BPI: variants seen among roughly 807,000 people sequenced by gnomAD.
BPI encodes the protein bactericidal permeability increasing protein, also known as bactericidal permeability-increasing protein.
Under a neutral mutation model 57.6 loss-of-function variants are expected in BPI, and 48 were observed. The observed-to-expected ratio is 0.83, with a 90% confidence interval of 0.66 to 1.06. BPI has a LOEUF of 1.06. Among genes scored for constraint, BPI ranks in the 50% least tolerant of loss-of-function variants. BPI has a pLI of 0.00. For synonymous variants in BPI, 237 were observed against 238.2 expected (o/e 0.99, Z 0.05); for missense variants, 651 against 609.7 (o/e 1.07, Z -0.71).
chr20:38,311,544 G>C (rs4811691), intron 4 of BPI, among the ~76,000 whole-genome samples: 139,748 of 152,132 alleles, frequency 0.92, 64,791 homozygotes, highest in South Asian at 0.98. Flanking sequence ...GCAGAGGGAA[G>C]AGCATGTGCA....
intron 1 of BPI, 61 bp from the exon 2 acceptor site, chr20:38,307,506 G>A (rs1159738297): frequency 7.1e-6 from 9 of 1,262,896 alleles, no homozygotes; most frequent in Non-Finnish European, 9.9e-6. Context: ...AGCCTGCCCT[G>A]CCCCTCTGTC....
intron 14 of BPI, 62 bp from the exon 15 acceptor site, chr20:38,337,084 C>A: frequency 6.5e-7 from 1 of 1,541,004 alleles, no homozygotes; most frequent in Non-Finnish European, 8.9e-7. Flanking sequence ...ACTCCAGTAG[C>A]TCCACACTCA....
At chr20:38,324,115 A>G in intron 8 of BPI, 69 bp downstream of exon 8, 1 of 1,527,076 alleles carries the variant, frequency 6.5e-7, no homozygotes, top group South Asian at 1.2e-5. Context: ...TTCCAGACAA[A>G]TCTGGAAAAA....
chr20:38,306,141 C>G (rs997221836), intron 1 of BPI, among the ~76,000 whole-genome samples: 1 of 152,204 alleles, frequency 6.6e-6, no homozygotes. Context: ...AAGTGATTCT[C>G]CTGCCTCAAC....
At chr20:38,327,679 A>G in intron 11 of BPI, 24 bp downstream of exon 11, 1 of 1,611,724 alleles carries the variant, frequency 6.2e-7, no homozygotes, top group South Asian at 1.1e-5. Context: ...TGAGAGGAGG[A>G]GGGGGCTGCC....
In BPI at chr20:38,318,483, G is replaced by A; in HGVS notation, c.664+7G>A. On this transcript the variant is annotated splice_region_variant and intron_variant, in intron 6 of 14. Coordinates refer to ENST00000642449, the MANE Select transcript of BPI (RefSeq NM_001725.3). ...TATTTCCAGACTCTGCCAGGTGAGG[G>A]CTGGATGAAGATCAAGGATAGAAAG... 1.2e-6 allele frequency: 2 copies of A among 1,611,180 alleles called. No individual in the cohort carries two copies. The highest frequency in any genetic ancestry group is 4.5e-5 in the East Asian group (2 of 44,886).
Position 38,337,276 on chromosome 20 carries a change from T to A in BPI, c.*92T>A. The stretch of plus-strand genomic sequence containing the variant: ...CTTTCCCCAGGGAATCCTCTCCAGA[T>A]CTTAACCAAGAGCCCCTTGCAAACT... On this transcript the variant is annotated 3_prime_UTR_variant, in exon 15 of 15. Transcript: ENST00000642449. 8.7e-7 allele frequency: 1 copy of A among 1,155,580 alleles called. No homozygotes were observed. The highest frequency in any genetic ancestry group is 2.6e-5 in the Admixed American group (1 of 37,826). The allele number at this position is 1,155,580 out of a possible 1,614,324, so 71.6% of individuals were successfully genotyped here. A position where few individuals can be genotyped will look rare whatever the true frequency, so the allele number is the denominator to read the frequency against.
intron 13 of BPI, 79 bp downstream of exon 13, chr20:38,334,572 C>A: frequency 7.0e-7 from 1 of 1,434,378 alleles, no homozygotes; most frequent in Non-Finnish European, 9.8e-7. Flanking sequence ...CCACCTGTTA[C>A]CTGGCCCCAG....
chr20:38,326,288 G>T lies in BPI; in HGVS notation c.1017G>T (p.Met339Ile). 1 of 1,613,402 alleles carries T rather than the reference G, an allele frequency of 6.2e-7. No homozygotes were observed. Among genetic ancestry groups the T allele is most frequent in the Non-Finnish European group, 8.5e-7 (1 of 1,179,668 alleles). ...AGGTGGCCAAGAAGTTTCCCAACAT[G>T]AAGATACAGATCCATGTCTCAGCCT... ...LPEVAKKFPN[M>I]KIQIHVSAST... is the part of the protein sequence containing the mutation. Residue 339 changes from methionine to isoleucine, a missense_variant, in exon 10 of 15, where the codon ATG becomes ATT. By Grantham distance (10) the Met-to-Ile change is conservative. Coordinates refer to ENST00000642449, the MANE Select transcript of BPI (RefSeq NM_001725.3).
At position 38,318,472 on chromosome 20, in the gene BPI, G is replaced by A. The variant is rs1177785791; in HGVS notation, c.660G>A (p.Leu220=). The change falls in exon 6 of 15, where the codon CTG becomes CTA. Residue 220 remains leucine (L), a synonymous_variant. Coordinates refer to ENST00000642449, the MANE Select transcript of BPI (RefSeq NM_001725.3). ...SSELQPYFQT[L]PVMTKIDSVA... ...AGCTGCAACCTTATTTCCAGACTCT[G>A]CCAGGTGAGGGCTGGATGAAGATCA... The A allele has an allele frequency of 1.2e-6, 2 of 1,613,018 alleles. No individual in the cohort carries two copies. The highest frequency in any genetic ancestry group is 3.3e-5 in the Admixed American group (2 of 60,026).
chr20:38,314,467 GGATGATGATAAT>G (rs1425101427), intron 5 of BPI, among the ~76,000 whole-genome samples: 16 of 114,940 alleles, frequency 1.4e-4, no homozygotes, highest in African/African-American at 5.1e-4. Flanking sequence ...GTGATGGTGG[GGATGATGATAAT>G]GATGGTGATG....
At chr20:38,324,745 C>T (rs377647713) in intron 8 of BPI, 29 bp from the exon 9 acceptor site, 287 of 1,586,268 alleles carry the variant, frequency 1.8e-4, no homozygotes, top group Non-Finnish European at 2.3e-4. Flanking sequence ...CAGCATCCTC[C>T]GAGATCCTTT....
intron 13 of BPI, chr20:38,335,330 A>C (rs1329359760): frequency 1.1e-5 from 6 of 527,108 alleles, no homozygotes; most frequent in Non-Finnish European, 2.1e-5. Context: ...GGTTTAGTGT[A>C]TACCAGCAGT....
intron 12 of BPI, among the ~76,000 whole-genome samples, chr20:38,332,925 C>T (rs192081349): frequency 1.3e-5 from 2 of 152,252 alleles, no homozygotes; most frequent in Admixed American, 6.5e-5. Context: ...TCCTGTCCAG[C>T]GTCTTGCTAC....
chr20:38,324,156 T>C, intron 8 of BPI, 110 bp downstream of exon 8: 1 of 1,306,714 alleles, frequency 7.7e-7, no homozygotes, highest in Non-Finnish European at 1.0e-6. Context: ...GGTTAAAGTG[T>C]TGACTCTAGA....
At chr20:38,318,351 TTGTCAAGGGACA>T in intron 5 of BPI, 50 bp from the exon 6 acceptor site, 1 of 1,516,740 alleles carries the variant, frequency 6.6e-7, no homozygotes, top group African/African-American at 1.4e-5. Context: ...TGGCCCGTTA[TTGTCAAGGGACA>T]TTTTTCACTA....
intron 5 of BPI, among the ~76,000 whole-genome samples, chr20:38,316,245 C>A (rs567733338): frequency 6.6e-6 from 1 of 151,162 alleles, no homozygotes; most frequent in South Asian, 2.1e-4. Flanking sequence ...CCCTCCATAC[C>A]CCAGGAAAAA....
intron 14 of BPI, 133 bp from the exon 15 acceptor site, chr20:38,337,012 AC>A: frequency 1.3e-6 from 1 of 750,078 alleles, no homozygotes; most frequent in South Asian, 1.7e-5. Flanking sequence ...ACACTGAGTG[AC>A]CCCCACTGGC....
rs775959420 is a variant in BPI, at chr20:38,326,272, A to C, written c.1001A>C (p.Lys334Thr). The C allele has an allele frequency of 3.8e-5, 62 of 1,612,016 alleles. 1 individual carries two copies. The Middle Eastern group carries it at 1.6e-3, about 43-fold the overall frequency. Residue 334 changes from lysine (K) to threonine (T), a missense_variant, in exon 10 of 15, where the codon AAG becomes ACG. Lys to Thr is a moderately conservative substitution (Grantham distance 78). Transcript: ENST00000642449. ...CTCCACTGGGGGCTGCAGGTGGCCA[A>C]GAAGTTTCCCAACATGAAGATACAG... ...FFGTFLPEVA[K>T]KFPNMKIQIH...
Sources: allele counts gnomAD v4.1 joint callset (sites outside exome capture counted in the v4.1 genomes callset), GRCh38; gene constraint gnomAD v4.1.1; transcripts MANE v1.5; gene names NCBI Gene and HGNC (gene_info 2026-07-23, HGNC 2026-07-21).